The following PMS1 variants were observed in gnomAD, a reference collection of about 807,000 sequenced individuals.
PMS1 encodes PMS1 homolog 1, mismatch repair system component, also known as PMS1 protein homolog 1.
Under a neutral mutation model 93.1 loss-of-function variants are expected in PMS1, and 79 were observed. That is an observed-to-expected ratio of 0.85 (90% confidence interval 0.71 to 1.02). PMS1 has a LOEUF of 1.02. Among genes scored for constraint, PMS1 ranks in the 50% least tolerant of loss-of-function variants. The pLI is 0.00. For synonymous variants in PMS1, 335 were observed against 363.4 expected, an observed-to-expected ratio of 0.92 and a Z score of 0.89; for missense variants, 1,064 against 1,085.3, an observed-to-expected ratio of 0.98 and a Z score of 0.28.
chr2:189,875,955 CAAAAAAA>C lies in PMS1; in HGVS notation c.2635-1298_2635-1292del, dbSNP rs561168809. Among the ~76,000 whole-genome samples the C allele has an allele frequency of 7.2e-3, 334 of 46,182 alleles. 3 individuals are homozygous for C. The highest frequency in any genetic ancestry group is 0.024 in the African/African-American group (295 of 12,354). 30.3% of individuals were successfully genotyped at this position (46,182 alleles called of 152,430 possible). On this transcript the variant is annotated intron_variant, in intron 12 of 12. Transcript: ENST00000441310. ...TGGGCGATAGAGCTAGACTCTGTCT[CAAAAAAA>C]AAAAAAAAAAAAAAAAAATTGCAGG...
At chr2:189,835,297 T>C (rs910452256) in intron 5 of PMS1, among the ~76,000 whole-genome samples, 7 of 152,250 alleles carry the variant, frequency 4.6e-5, no homozygotes, top group Non-Finnish European at 8.8e-5. Flanking sequence ...TTTGAAAGTT[T>C]GAGGCTGCTT....
At chr2:189,796,460 A>G (rs1188890933) in intron 3 of PMS1, among the ~76,000 whole-genome samples, 1 of 152,224 alleles carries the variant, frequency 6.6e-6, no homozygotes, top group Non-Finnish European at 1.5e-5. Flanking sequence ...ATTGTCGTGT[A>G]TCTATAACCA....
intron 5 of PMS1, among the ~76,000 whole-genome samples, chr2:189,821,619 G>A (rs534753621): frequency 9.9e-5 from 15 of 152,208 alleles, no homozygotes; most frequent in Non-Finnish European, 5.9e-5. Flanking sequence ...GACCAGCCTG[G>A]CCGACATGGT....
intron 5 of PMS1, among the ~76,000 whole-genome samples, chr2:189,842,103 A>G (rs2053864763): frequency 6.6e-6 from 1 of 151,512 alleles, no homozygotes; most frequent in East Asian, 2.0e-4. Context: ...TCCTCCCCAT[A>G]GTCACTATCC....
intron 12 of PMS1, among the ~76,000 whole-genome samples, chr2:189,875,889 G>A (rs1214655290): frequency 6.8e-6 from 1 of 147,056 alleles, no homozygotes; most frequent in Non-Finnish European, 1.5e-5. Flanking sequence ...CCCAGGAGGT[G>A]GAAGTTGGAG....
intron 7 of PMS1, 43 bp downstream of exon 7, chr2:189,852,820 TG>T (rs753232796): frequency 7.7e-7 from 1 of 1,302,686 alleles, no homozygotes; most frequent in Admixed American, 1.7e-5. Context: ...ATTGGAAATT[TG>T]TCACATTGTA....
At chr2:189,848,943 C>T (rs991482627) in intron 6 of PMS1, among the ~76,000 whole-genome samples, 2 of 152,180 alleles carry the variant, frequency 1.3e-5, no homozygotes, top group African/African-American at 4.8e-5. Flanking sequence ...AGTGGTTGTC[C>T]TCACTCACCT....
intron 6 of PMS1, 121 bp downstream of exon 6, chr2:189,844,201 T>C: frequency 1.3e-5 from 19 of 1,512,142 alleles, no homozygotes; most frequent in Middle Eastern, 1.8e-4. Context: ...CAAATATGTG[T>C]GTAAGGTAAA....
chr2:189,848,348 A>G (rs1287402006), intron 6 of PMS1, among the ~76,000 whole-genome samples: 10 of 152,212 alleles, frequency 6.6e-5, no homozygotes, highest in Non-Finnish European at 1.3e-4. Flanking sequence ...GATCGACTGA[A>G]TCAGAATCTG....
chr2:189,867,335 A>C (rs2056752407), intron 10 of PMS1, among the ~76,000 whole-genome samples: 1 of 152,208 alleles, frequency 6.6e-6, no homozygotes, highest in South Asian at 2.1e-4. Context: ...AGTAGACTGA[A>C]GGAAGCTCTC....
chr2:189,784,891 C>T (rs1406225443), intron 1 of PMS1: 3 of 152,300 alleles, frequency 2.0e-5, no homozygotes, highest in Non-Finnish European at 2.9e-5. Context: ...AACTGTAACT[C>T]ATCTTGTGTG....
chr2:189,875,864 G>C (rs2057513801), intron 12 of PMS1, among the ~76,000 whole-genome samples: 2 of 149,780 alleles, frequency 1.3e-5, no homozygotes, highest in African/African-American at 2.5e-5. Flanking sequence ...GAGTGAGGCA[G>C]GAGAACTGCT....
chr2:189,806,102 T>C, intron 4 of PMS1: 1 of 458,236 alleles, frequency 2.2e-6, no homozygotes, highest in South Asian at 4.0e-5. Context: ...ATAATTGATT[T>C]GGTAATAGTG....
Position 189,838,702 on chromosome 2 carries a change from C to T in PMS1, c.583-5262C>T, listed in dbSNP as rs569944169. Among the ~76,000 whole-genome samples the T allele has an allele frequency of 2.6e-5, 4 of 152,222 alleles. No individual in the cohort carries two copies. In the South Asian group the frequency reaches 6.2e-4, roughly 24 times the overall value. Reference sequence around the variant, plus strand: ...TTAACACAGCCCAGTAATTCTCAGCCGCAGTATATTAATACTAGTAAAGTA... The same window carrying T: ...TTAACACAGCCCAGTAATTCTCAGCTGCAGTATATTAATACTAGTAAAGTA... On this transcript the variant is annotated intron_variant, in intron 5 of 12. Transcript: ENST00000441310.
chr2:189,791,582 A>G (rs2048871688), intron 1 of PMS1: 11 of 438,894 alleles, frequency 2.5e-5, no homozygotes, highest in South Asian at 2.3e-4. Context: ...ACGCCACTGC[A>G]CTCCAGCCTG....
In PMS1 at chr2:189,867,841, G is replaced by T. The variant is rs749800455; in HGVS notation, c.2385G>T (p.Met795Ile). The change falls in exon 11 of 13, where the codon ATG (methionine) becomes ATT (isoleucine). Residue 795 changes from methionine (M) to isoleucine (I), a missense_variant. Met to Ile is a conservative substitution (Grantham distance 10). Transcript: ENST00000441310. ...ATTATTTAGACGTTTTATATAAAAT[G>T]ACAGCAGATGACCAAAGATACAGTG... ...GSHYLDVLYK[M>I]TADDQRYSGS... is the part of the protein sequence containing the mutation. 6.3e-7 allele frequency: 1 copy of T among 1,576,918 alleles called. No individual in the cohort carries two copies. Among genetic ancestry groups the T allele is most frequent in the Non-Finnish European group, 8.7e-7 (1 of 1,146,252 alleles).
At chr2:189,787,669 C>T (rs1471264892) in intron 1 of PMS1, among the ~76,000 whole-genome samples, 3 of 150,426 alleles carry the variant, frequency 2.0e-5, no homozygotes, top group Non-Finnish European at 4.4e-5. Flanking sequence ...CATTATAGTT[C>T]TGTTGAACAG....
chr2:189,812,258 G>A (rs149277804), intron 4 of PMS1, among the ~76,000 whole-genome samples: 5,192 of 152,250 alleles, frequency 0.034, 101 homozygotes, highest in South Asian at 0.063. Flanking sequence ...CCGAGATCAC[G>A]CCACTGTACT....
chr2:189,871,473 C>T (rs533633678), intron 11 of PMS1, among the ~76,000 whole-genome samples: 15 of 152,288 alleles, frequency 9.8e-5, no homozygotes, highest in South Asian at 2.1e-4. Flanking sequence ...AAAATCCTTG[C>T]GGGGACATAA....
Sources: allele counts gnomAD v4.1 joint callset (sites outside exome capture counted in the v4.1 genomes callset), GRCh38; gene constraint gnomAD v4.1.1; transcripts MANE v1.5; gene names NCBI Gene and HGNC (gene_info 2026-07-23, HGNC 2026-07-21).